The following ADGRL3 variants were observed in gnomAD, a reference collection of about 807,000 sequenced individuals.
The protein encoded by ADGRL3 is adhesion G protein-coupled receptor L3.
Under a neutral mutation model 153.5 loss-of-function variants are expected in ADGRL3, and 62 were observed. The observed-to-expected ratio is 0.40, with a 90% CI of 0.33 to 0.50. The LOEUF is 0.50. ADGRL3 is among the 20% of genes least tolerant of loss of function. ADGRL3 has a pLI of 0.47. For synonymous variants in ADGRL3, 710 were observed against 672.5 expected (o/e 1.06, Z -0.86); for missense variants, 1,641 against 1,859.4 (o/e 0.88, Z 2.16).
intron 2 of ADGRL3, among the ~76,000 whole-genome samples, chr4:61,432,928 C>A (rs970138812): frequency 1.9e-4 from 29 of 151,866 alleles, no homozygotes; most frequent in Non-Finnish European, 3.5e-4. Context: ...GCTGGGATTA[C>A]AGGTGTGAGC....
intron 1 of ADGRL3, among the ~76,000 whole-genome samples, chr4:61,231,104 T>C (rs956727978): frequency 6.6e-6 from 1 of 152,176 alleles, no homozygotes; most frequent in African/African-American, 2.4e-5. Flanking sequence ...TCCAGTTTTT[T>C]GGGAGTGGAT....
intron 4 of ADGRL3, among the ~76,000 whole-genome samples, chr4:61,557,531 A>G (rs2098772731): frequency 6.6e-6 from 1 of 152,178 alleles, no homozygotes; most frequent in Non-Finnish European, 1.5e-5. Flanking sequence ...ATAAATGGGC[A>G]TTTTAATGAT....
Position 62,072,451 on chromosome 4 carries a change from T to C in ADGRL3, c.*1543T>C, listed in dbSNP as rs1444750005. 1 of 152,600 alleles carries C rather than the reference T, an allele frequency of 6.6e-6. No homozygotes were observed. Among genetic ancestry groups the C allele is most frequent in the Non-Finnish European group, 1.5e-5 (1 of 68,034 alleles). The allele number at this position is 152,600 out of a possible 1,614,324, so 9.5% of individuals were successfully genotyped here. A position where few individuals can be genotyped will look rare whatever the true frequency, so the allele number is the denominator to read the frequency against. ...TGATTGAGATTTAGAAGATATTGTATTGATGTATGTACTATATGATTAATC... is the reference window on the plus strand; with the variant it reads ...TGATTGAGATTTAGAAGATATTGTACTGATGTATGTACTATATGATTAATC... On this transcript the variant is annotated 3_prime_UTR_variant, in exon 27 of 27. Coordinates refer to ENST00000683033, the MANE Select transcript of ADGRL3 (RefSeq NM_001387552.1).
intron 7 of ADGRL3, among the ~76,000 whole-genome samples, chr4:61,731,866 A>G (rs190513975): frequency 6.8e-4 from 104 of 152,236 alleles, no homozygotes; most frequent in African/African-American, 2.5e-3. Context: ...CACCATTCAC[A>G]TGATATGCTA....
chr4:61,801,421 TAA>T (rs1309907760), intron 8 of ADGRL3, among the ~76,000 whole-genome samples: 1 of 152,122 alleles, frequency 6.6e-6, no homozygotes, highest in African/African-American at 2.4e-5. Flanking sequence ...TTAATTAAAT[TAA>T]GAGTGGATTT....
chr4:61,478,243 G>T (rs1379391506), intron 2 of ADGRL3, among the ~76,000 whole-genome samples: 1 of 152,002 alleles, frequency 6.6e-6, no homozygotes, highest in Non-Finnish European at 1.5e-5. Flanking sequence ...TAGATCTTCT[G>T]CTTAATGTTA....
At chr4:61,501,213 A>C (rs184292729) in intron 3 of ADGRL3, among the ~76,000 whole-genome samples, 1 of 152,208 alleles carries the variant, frequency 6.6e-6, no homozygotes, top group Non-Finnish European at 1.5e-5. Context: ...AGATGTACTA[A>C]AGACAGGACA....
intron 1 of ADGRL3, among the ~76,000 whole-genome samples, chr4:61,245,187 A>C (rs1756552159): frequency 6.6e-6 from 1 of 152,068 alleles, no homozygotes; most frequent in Admixed American, 6.6e-5. Flanking sequence ...CAGCTGAAGA[A>C]AAATCAGACA....
chr4:61,247,864 G>A (rs1334611497), intron 1 of ADGRL3, among the ~76,000 whole-genome samples: 2 of 151,864 alleles, frequency 1.3e-5, no homozygotes, highest in African/African-American at 2.4e-5. Context: ...ATACCATAAC[G>A]ATACTTTATA....
intron 17 of ADGRL3, among the ~76,000 whole-genome samples, chr4:61,958,285 A>T (rs559166420): frequency 2.0e-4 from 30 of 151,806 alleles, no homozygotes; most frequent in Non-Finnish European, 2.8e-4. Flanking sequence ...ATGGTATAAG[A>T]CCTCTTACAT....
intron 5 of ADGRL3, among the ~76,000 whole-genome samples, chr4:61,630,553 C>T (rs555174195): frequency 6.6e-6 from 1 of 152,244 alleles, no homozygotes; most frequent in South Asian, 2.1e-4. Flanking sequence ...CTCTTTGTAA[C>T]TCTCTCTTTT....
intron 1 of ADGRL3, among the ~76,000 whole-genome samples, chr4:61,248,632 A>G (rs1758000260): frequency 6.6e-6 from 1 of 152,170 alleles, no homozygotes; most frequent in Non-Finnish European, 1.5e-5. Flanking sequence ...TAGCTATCTT[A>G]TATTTGTCTA....
chr4:61,871,195 G>A (rs1418750043), intron 9 of ADGRL3, among the ~76,000 whole-genome samples: 4 of 151,724 alleles, frequency 2.6e-5, no homozygotes, highest in East Asian at 3.9e-4. Flanking sequence ...GGAGAATGGC[G>A]TGAACCCAGG....
At position 61,948,282 on chromosome 4, in the gene ADGRL3, A is replaced by G; in HGVS notation, c.2805+6A>G. ...TGGCACATGTGGAAGTTAAGGTAAG[A>G]TATATACCATACAATGAAAATGTTT... On this transcript the variant is annotated splice_donor_region_variant and intron_variant, in intron 17 of 26. Transcript: ENST00000683033. 6.2e-7 allele frequency: 1 copy of G among 1,607,076 alleles called. No individual in the cohort carries two copies. The highest frequency in any genetic ancestry group is 1.1e-5 in the South Asian group (1 of 90,834).
chr4:61,523,847 A>G (rs1253392626), intron 4 of ADGRL3, among the ~76,000 whole-genome samples: 1 of 152,066 alleles, frequency 6.6e-6, no homozygotes, highest in East Asian at 1.9e-4. Context: ...AAAGCATGTG[A>G]GTAGCTTTTC....
At chr4:61,383,868 A>T (rs1425498346) in intron 2 of ADGRL3, among the ~76,000 whole-genome samples, 1 of 151,878 alleles carries the variant, frequency 6.6e-6, no homozygotes, top group Non-Finnish European at 1.5e-5. Flanking sequence ...ATCAATCAAC[A>T]GTTCAATGAG....
intron 1 of ADGRL3, among the ~76,000 whole-genome samples, chr4:61,219,738 A>G (rs189121362): frequency 1.3e-4 from 20 of 152,260 alleles, no homozygotes; most frequent in Admixed American, 3.3e-4. Flanking sequence ...GCTCTTTGTC[A>G]TCTCTCTCTT....
At chr4:61,759,693 G>C (rs1206243973) in intron 8 of ADGRL3, among the ~76,000 whole-genome samples, 1 of 152,168 alleles carries the variant, frequency 6.6e-6, no homozygotes, top group African/African-American at 2.4e-5. Flanking sequence ...TCTCCGTCCA[G>C]CTTTGTTCCA....
intron 9 of ADGRL3, among the ~76,000 whole-genome samples, chr4:61,883,916 G>A (rs1399224779): frequency 6.6e-6 from 1 of 152,008 alleles, no homozygotes; most frequent in Non-Finnish European, 1.5e-5. Flanking sequence ...ATTACACAAT[G>A]TGTAATGCAA....
Sources: gnomAD v4.1 joint callset for allele counts (sites outside exome capture counted in the v4.1 genomes callset) on GRCh38, gnomAD v4.1.1 for gene constraint, MANE v1.5 for transcripts, NCBI Gene and HGNC (gene_info 2026-07-23, HGNC 2026-07-21) for gene names.